The following SOX5 variants were observed in gnomAD, a reference collection of about 807,000 sequenced individuals.
SOX5 encodes transcription factor SOX-5.
A neutral mutation model predicts 92.0 loss-of-function variants in SOX5; 9 were observed. The ratio of observed to expected loss-of-function variants is 0.10; its 90% CI spans 0.06 to 0.17. SOX5 has a LOEUF of 0.17. Among genes scored for constraint, SOX5 ranks in the 10% least tolerant of loss-of-function variants. The pLI, the probability that SOX5 is intolerant of heterozygous loss-of-function variation, is 1.00. For missense variants in SOX5, 642 were observed against 944.5 expected, an observed-to-expected ratio of 0.68 and a Z score of 4.20; for synonymous variants, 344 against 336.3, an observed-to-expected ratio of 1.02 and a Z score of -0.25.
At chr12:24,222,861 T>C (rs905183922) in intron 3 of SOX5, among the ~76,000 whole-genome samples, 1 of 152,210 alleles carries the variant, frequency 6.6e-6, no homozygotes, top group African/African-American at 2.4e-5. Context: ...GTAGGCAAGC[T>C]TTTAACATTG....
intron 3 of SOX5, among the ~76,000 whole-genome samples, chr12:23,824,737 T>A (rs779985591): frequency 3.9e-5 from 6 of 152,124 alleles, no homozygotes; most frequent in Non-Finnish European, 7.4e-5. Flanking sequence ...GAGTTTTATA[T>A]ATAAGCCCCT....
At chr12:24,073,945 A>G (rs141773950) in intron 4 of SOX5, among the ~76,000 whole-genome samples, 2 of 152,268 alleles carry the variant, frequency 1.3e-5, no homozygotes, top group African/African-American at 4.8e-5. Flanking sequence ...AATCTGAGAC[A>G]GAGAAAAGGT....
chr12:24,234,559 G>C (rs1964065298), intron 3 of SOX5, among the ~76,000 whole-genome samples: 1 of 151,984 alleles, frequency 6.6e-6, no homozygotes, highest in South Asian at 2.1e-4. Context: ...TGTATTTTTA[G>C]TAGAGACAGG....
chr12:23,635,664 A>G (rs531438528), intron 8 of SOX5, among the ~76,000 whole-genome samples: 1 of 152,310 alleles, frequency 6.6e-6, no homozygotes, highest in Non-Finnish European at 1.5e-5. Context: ...CTAGAACTTA[A>G]AGTATAATAA....
At chr12:24,178,323 T>A (rs568674805) in intron 4 of SOX5, among the ~76,000 whole-genome samples, 2 of 149,552 alleles carry the variant, frequency 1.3e-5, no homozygotes, top group African/African-American at 4.9e-5. Context: ...TTGGTGAAAA[T>A]ATCATGAAAT....
intron 1 of SOX5, among the ~76,000 whole-genome samples, chr12:24,516,349 A>G (rs957227914): frequency 5.3e-5 from 8 of 152,150 alleles, no homozygotes; most frequent in Admixed American, 3.3e-4. Context: ...CACCCAGCCA[A>G]CCATGTCAGT....
At chr12:23,641,991 T>C (rs906896561) in intron 7 of SOX5, among the ~76,000 whole-genome samples, 3 of 152,244 alleles carry the variant, frequency 2.0e-5, no homozygotes, top group African/African-American at 7.2e-5. Context: ...AAGATTAATA[T>C]GCAGATGTGA....
At chr12:24,182,870 C>T (rs567186319) in intron 4 of SOX5, among the ~76,000 whole-genome samples, 19 of 152,208 alleles carry the variant, frequency 1.2e-4, no homozygotes, top group South Asian at 8.3e-4. Context: ...CTCATCACCA[C>T]GCCCAGCTAA....
In SOX5 at chr12:24,174,513, G is replaced by C. The variant is rs951444549; in HGVS notation, c.-2+38830C>G. On this transcript the variant is annotated intron_variant, in intron 4 of 4. Coordinates refer to the SOX5 transcript ENST00000446891. ...CATTAGTAAGAATACAGAATGAGTGGGGGGGGGAACCCACAAAACAAAAAC... is the reference window on the plus strand; with the variant it reads ...CATTAGTAAGAATACAGAATGAGTGCGGGGGGGAACCCACAAAACAAAAAC... Among the ~76,000 whole-genome samples, 11 of 3,298 alleles carry C rather than the reference G, an allele frequency of 3.3e-3. 1 individual carries two copies. The highest frequency in any genetic ancestry group is 0.012 in the South Asian group (1 of 84). The allele number at this position is 3,298 out of a possible 152,430, so 2.2% of individuals were successfully genotyped here. A position where few individuals can be genotyped will look rare whatever the true frequency, so the allele number is the denominator to read the frequency against.
intron 4 of SOX5, among the ~76,000 whole-genome samples, chr12:24,026,662 T>C (rs941341387): frequency 7.0e-6 from 1 of 142,484 alleles, no homozygotes. Context: ...CCCTGTCTAT[T>C]AGATAAAAAA....
intron 2 of SOX5, among the ~76,000 whole-genome samples, chr12:23,864,442 T>C (rs755871893): frequency 2.6e-5 from 4 of 152,230 alleles, no homozygotes; most frequent in South Asian, 2.1e-4. Context: ...AAAGCAGAGA[T>C]AGGCCAAAAG....
At chr12:24,330,114 G>C (rs925872068) in intron 2 of SOX5, among the ~76,000 whole-genome samples, 7 of 151,590 alleles carry the variant, frequency 4.6e-5, no homozygotes, top group Non-Finnish European at 7.4e-5. Flanking sequence ...AACCACAGAA[G>C]AAAACATAAA....
intron 7 of SOX5, among the ~76,000 whole-genome samples, chr12:23,658,559 G>GT (rs2082612401): frequency 6.6e-6 from 1 of 152,156 alleles, no homozygotes; most frequent in Admixed American, 6.5e-5. Flanking sequence ...GGAAGGCAGA[G>GT]GAGAGGGGAA....
intron 4 of SOX5, among the ~76,000 whole-genome samples, chr12:24,143,060 CA>C (rs145753030): frequency 0.034 from 5,121 of 152,206 alleles, 112 homozygotes; most frequent in Non-Finnish European, 0.051. Context: ...GAAAAACAAA[CA>C]ATTCACAGAA....
intron 1 of SOX5, among the ~76,000 whole-genome samples, chr12:23,903,836 A>T (rs2097263029): frequency 6.6e-6 from 1 of 152,232 alleles, no homozygotes; most frequent in Admixed American, 6.5e-5. Flanking sequence ...TTTACTGTGT[A>T]TTAAAGATTG....
intron 3 of SOX5, among the ~76,000 whole-genome samples, chr12:24,247,817 AT>A (rs578120512): frequency 1.3e-5 from 2 of 151,082 alleles, no homozygotes; most frequent in African/African-American, 4.9e-5. Flanking sequence ...CACCTGGCTA[AT>A]TTTTTTTGTA....
intron 11 of SOX5, among the ~76,000 whole-genome samples, chr12:23,554,340 T>C (rs997968641): frequency 6.6e-6 from 1 of 152,052 alleles, no homozygotes; most frequent in Non-Finnish European, 1.5e-5. Context: ...GGTGATTGCT[T>C]AAACAAAATT....
At chr12:24,448,508 G>A (rs1015641837) in intron 1 of SOX5, among the ~76,000 whole-genome samples, 4 of 152,164 alleles carry the variant, frequency 2.6e-5, no homozygotes, top group Non-Finnish European at 5.9e-5. Flanking sequence ...CGGTGTTGTA[G>A]AGGAGACAAG....
intron 2 of SOX5, among the ~76,000 whole-genome samples, chr12:23,869,405 C>T (rs755347795): frequency 1.3e-5 from 2 of 152,140 alleles, no homozygotes; most frequent in Admixed American, 1.3e-4. Context: ...CACCTCCACA[C>T]ACATTTTCAA....
Sources: gnomAD v4.1 joint callset for allele counts (sites outside exome capture counted in the v4.1 genomes callset) on GRCh38, gnomAD v4.1.1 for gene constraint, MANE v1.5 for transcripts, NCBI Gene and HGNC (gene_info 2026-07-23, HGNC 2026-07-21) for gene names.